Variants in PLSCR2 observed in about 807,000 individuals in gnomAD.
PLSCR2 encodes the protein PL scramblase 2.
In PLSCR2, 18 loss-of-function variants were observed where a neutral mutation model predicts 25.3. The ratio of observed to expected loss-of-function variants is 0.71; its 90% confidence interval spans 0.49 to 1.06. The LOEUF is 1.06. Among genes scored for constraint, PLSCR2 ranks in the 50% least tolerant of loss-of-function variants. PLSCR2 has a pLI of 0.00. For synonymous variants in PLSCR2, 88 were observed against 87.3 expected, an observed-to-expected ratio of 1.01 and a Z score of -0.04; for missense variants, 243 against 269.5, an observed-to-expected ratio of 0.90 and a Z score of 0.69.
intron 1 of PLSCR2, among the ~76,000 whole-genome samples, chr3:146,477,177 G>A (rs1303907993): frequency 6.6e-6 from 1 of 152,224 alleles, no homozygotes; most frequent in Non-Finnish European, 1.5e-5. Context: ...CGATGCAGAA[G>A]ATGGGGGATT....
At chr3:146,493,178 A>T (rs1376594095) in intron 1 of PLSCR2, among the ~76,000 whole-genome samples, 1 of 152,124 alleles carries the variant, frequency 6.6e-6, no homozygotes, top group Non-Finnish European at 1.5e-5. Flanking sequence ...ACCTACCAAC[A>T]AGAAAAAGCC....
chr3:146,406,487 C>T (rs552886299), intron 2 of PLSCR2, among the ~76,000 whole-genome samples: 1 of 152,060 alleles, frequency 6.6e-6, no homozygotes, highest in Non-Finnish European at 1.5e-5. Context: ...AGGTACTGGC[C>T]TTCTAAGTGG....
At position 146,460,096 on chromosome 3, in the gene PLSCR2, C is replaced by A. The variant is rs1188768643; in HGVS notation, c.-179-13G>T. 2.0e-6 allele frequency: 3 copies of A among 1,486,096 alleles called. No homozygotes were observed. Among genetic ancestry groups the A allele is most frequent in the Admixed American group, 4.5e-5 (2 of 44,146 alleles). The allele number at this position is 1,486,096 out of a possible 1,614,324, so 92.1% of individuals were successfully genotyped here. Reference sequence around the variant, plus strand: ...TGTCCGGGAGGTCCTGAAATAGGAGCAAGTAAAATAATTTGTAGCTGCCCA... The same window carrying A: ...TGTCCGGGAGGTCCTGAAATAGGAGAAAGTAAAATAATTTGTAGCTGCCCA... On this transcript the variant is annotated splice_polypyrimidine_tract_variant and intron_variant, in intron 1 of 6. Transcript: ENST00000610787.
intron 1 of PLSCR2, among the ~76,000 whole-genome samples, chr3:146,489,710 A>T (rs1482971491): frequency 6.6e-6 from 1 of 152,038 alleles, no homozygotes; most frequent in Non-Finnish European, 1.5e-5. Flanking sequence ...TGCCTTTTCG[A>T]TCTTCTAATC....
intron 8 of PLSCR2, among the ~76,000 whole-genome samples, chr3:146,435,844 GC>G (rs1261957664): frequency 3.9e-5 from 6 of 152,112 alleles, no homozygotes; most frequent in Admixed American, 2.0e-4. Flanking sequence ...TGAAGTACTT[GC>G]CCATGCCTAT....
downstream of PLSCR2, among the ~76,000 whole-genome samples, chr3:146,440,835 A>AT (rs1490252599): frequency 6.6e-6 from 1 of 152,202 alleles, no homozygotes; most frequent in African/African-American, 2.4e-5. Context: ...TAGGAATTTG[A>AT]TTTTTGGCAT....
intron 1 of PLSCR2, among the ~76,000 whole-genome samples, chr3:146,476,978 A>C (rs191603746): frequency 6.6e-6 from 1 of 152,346 alleles, no homozygotes; most frequent in East Asian, 1.9e-4. Context: ...TCCCCTAAGA[A>C]CAGCACACCT....
At chr3:146,403,513 A>T (rs770105494) in intron 2 of PLSCR2, among the ~76,000 whole-genome samples, 1 of 152,138 alleles carries the variant, frequency 6.6e-6, no homozygotes, top group Non-Finnish European at 1.5e-5. Context: ...GGCTTGGAGA[A>T]ATTCCCTATT....
chr3:146,413,119 A>G (rs766994882), intron 2 of PLSCR2, among the ~76,000 whole-genome samples: 43 of 152,340 alleles, frequency 2.8e-4, no homozygotes, highest in Non-Finnish European at 6.0e-4. Context: ...AGCCCTGAGC[A>G]GTGAGCTTGT....
chr3:146,475,196 C>T (rs1394932911), intron 1 of PLSCR2, among the ~76,000 whole-genome samples: 1 of 151,952 alleles, frequency 6.6e-6, no homozygotes, highest in Non-Finnish European at 1.5e-5. Context: ...AGAGATGTTG[C>T]AATCATTTGG....
At chr3:146,461,917 A>G (rs760789902), upstream of PLSCR2, 2 of 1,512,502 alleles carry the variant, frequency 1.3e-6, no homozygotes, top group South Asian at 2.5e-5. Context: ...ACTGGAATTT[A>G]CAAGGGAAAA....
At chr3:146,432,772 G>A (rs1367758615), downstream of PLSCR2, among the ~76,000 whole-genome samples, 1 of 152,112 alleles carries the variant, frequency 6.6e-6, no homozygotes, top group Non-Finnish European at 1.5e-5. Flanking sequence ...TTAAGCCACA[G>A]AAACTATTCT....
At chr3:146,427,994 A>T (rs2039414628) in intron 2 of PLSCR2, among the ~76,000 whole-genome samples, 1 of 152,202 alleles carries the variant, frequency 6.6e-6, no homozygotes, top group Admixed American at 6.5e-5. Flanking sequence ...AAATGCATTT[A>T]TATGAGTGAC....
At chr3:146,421,070 G>A (rs2039132924) in intron 2 of PLSCR2, among the ~76,000 whole-genome samples, 1 of 152,010 alleles carries the variant, frequency 6.6e-6, no homozygotes, top group Non-Finnish European at 1.5e-5. Flanking sequence ...GGCCATGGAA[G>A]GAAAGTGGAG....
chr3:146,430,274 ATAC>A (rs2108118754), downstream of PLSCR2, among the ~76,000 whole-genome samples: 1 of 152,324 alleles, frequency 6.6e-6, no homozygotes, highest in African/African-American at 2.4e-5. Flanking sequence ...ATACAGGTAG[ATAC>A]TACTATCAAT....
intron 2 of PLSCR2, among the ~76,000 whole-genome samples, chr3:146,418,656 G>A (rs1045580782): frequency 6.6e-6 from 1 of 152,130 alleles, no homozygotes; most frequent in Non-Finnish European, 1.5e-5. Flanking sequence ...TCTGGCTTCA[G>A]GATTCTGCCC....
chr3:146,480,284 C>T (rs1164668246), intron 1 of PLSCR2, among the ~76,000 whole-genome samples: 1 of 151,958 alleles, frequency 6.6e-6, no homozygotes, highest in Non-Finnish European at 1.5e-5. Context: ...TTCAAAAAAT[C>T]AATGAATCCA....
chr3:146,468,763 T>A (rs2041977031), intron 1 of PLSCR2, among the ~76,000 whole-genome samples: 1 of 152,178 alleles, frequency 6.6e-6, no homozygotes, highest in African/African-American at 2.4e-5. Flanking sequence ...TGAATTGAAA[T>A]TATTCATGAT....
chr3:146,458,362 A>G, intron 3 of PLSCR2, 49 bp downstream of exon 3: 1 of 1,428,508 alleles, frequency 7.0e-7, no homozygotes, highest in Non-Finnish European at 9.4e-7. Flanking sequence ...CTTTATTTGC[A>G]TAAACTTCTT....
Sources: gnomAD v4.1 joint callset for allele counts (sites outside exome capture counted in the v4.1 genomes callset) on GRCh38, gnomAD v4.1.1 for gene constraint, MANE v1.5 for transcripts, NCBI Gene and HGNC (gene_info 2026-07-23, HGNC 2026-07-21) for gene names.